Variants in DEPTOR observed in about 807,000 individuals in gnomAD.
The protein encoded by DEPTOR is DEP domain containing MTOR interacting protein.
DEPTOR carries 41 observed loss-of-function variants against 41.6 expected under a neutral mutation model. The observed-to-expected ratio is 0.98, with a 90% CI of 0.77 to 1.28. DEPTOR has a LOEUF of 1.28. Among genes scored for constraint, DEPTOR ranks in the 50% most tolerant of loss-of-function variants. DEPTOR has a pLI of 0.00. For missense variants in DEPTOR, 514 were observed against 527.9 expected (o/e 0.97, Z 0.26); for synonymous variants, 195 against 192.3 (o/e 1.01, Z -0.12).
chr8:120,015,850 A>T (rs1007891837), intron 8 of DEPTOR, among the ~76,000 whole-genome samples: 2 of 152,076 alleles, frequency 1.3e-5, no homozygotes, highest in African/African-American at 4.8e-5. Flanking sequence ...TAGCCCGAAA[A>T]AGCTTGCCCT....
chr8:119,934,025 G>A (rs112295815), intron 3 of DEPTOR, among the ~76,000 whole-genome samples: 27,694 of 152,086 alleles, frequency 0.18, 3,694 homozygotes, highest in African/African-American at 0.37. Flanking sequence ...GACTACAGGC[G>A]TGTGCCACCA....
chr8:120,026,170 T>C (rs1812793486), intron 8 of DEPTOR, among the ~76,000 whole-genome samples: 1 of 151,560 alleles, frequency 6.6e-6, no homozygotes, highest in Admixed American at 6.6e-5. Flanking sequence ...GTGTTTTTAA[T>C]ATAGACGGGG....
At chr8:119,936,938 T>C (rs565659232) in intron 3 of DEPTOR, among the ~76,000 whole-genome samples, 4 of 150,862 alleles carry the variant, frequency 2.7e-5, no homozygotes, top group African/African-American at 4.9e-5. Context: ...GTGGGAGAAT[T>C]GCTTGAACCT....
Position 120,050,911 on chromosome 8 carries a change from G to T in DEPTOR, c.*1207G>T, listed in dbSNP as rs1406484366. On this transcript the variant is annotated 3_prime_UTR_variant, in exon 9 of 9. Transcript: ENST00000286234. The stretch of plus-strand genomic sequence containing the variant: ...ATTAACAAAATAAAATATGAGAATT[G>T]TACCACAGCCATTTCTTTTCATTAG... The T allele has an allele frequency of 6.6e-6, 1 of 151,586 alleles. No individual in the cohort carries two copies. Among genetic ancestry groups the T allele is most frequent in the Non-Finnish European group, 1.5e-5 (1 of 67,964 alleles). 9.4% of individuals were successfully genotyped at this position (151,586 alleles called of 1,614,324 possible).
chr8:119,886,524 CAGAT>C (rs1456987191), intron 1 of DEPTOR, among the ~76,000 whole-genome samples: 1 of 151,802 alleles, frequency 6.6e-6, no homozygotes, highest in Non-Finnish European at 1.5e-5. Context: ...TACACACACA[CAGAT>C]ACATACATAC....
chr8:120,027,072 G>A (rs1040620187), intron 8 of DEPTOR, among the ~76,000 whole-genome samples: 1 of 151,630 alleles, frequency 6.6e-6, no homozygotes, highest in Non-Finnish European at 1.5e-5. Context: ...TAAAAAATTA[G>A]TGGGGTGTGG....
In DEPTOR at chr8:119,965,284, A is replaced by G; in HGVS notation, c.478A>G (p.Lys160Glu). Residue 160 changes from lysine (K) to glutamate (E), a missense_variant, in exon 4 of 9, where the codon AAG becomes GAG. Lys to Glu is a moderately conservative substitution (Grantham distance 56). Transcript: ENST00000286234. ...GCAGCCCAGGGAGGAGGAAGGGGTCAAGTATGAGCGCACCTTCATGGCATC... is the reference window on the plus strand; with the variant it reads ...GCAGCCCAGGGAGGAGGAAGGGGTCGAGTATGAGCGCACCTTCATGGCATC... ...LLQPREEEGV[K>E]YERTFMASEF... 6.2e-7 allele frequency: 1 copy of G among 1,614,134 alleles called. No homozygotes were observed. Among genetic ancestry groups the G allele is most frequent in the Non-Finnish European group, 8.5e-7 (1 of 1,180,018 alleles).
intron 8 of DEPTOR, among the ~76,000 whole-genome samples, chr8:120,018,922 A>T (rs553556961): frequency 4.9e-4 from 75 of 152,300 alleles, no homozygotes; most frequent in Non-Finnish European, 8.4e-4. Flanking sequence ...TTGTTCACTC[A>T]CTATTCACTG....
At chr8:119,905,172 T>C (rs761976120) in intron 1 of DEPTOR, among the ~76,000 whole-genome samples, 12 of 152,046 alleles carry the variant, frequency 7.9e-5, no homozygotes, top group East Asian at 1.9e-4. Flanking sequence ...TAGCCCTTGA[T>C]GGCAATATGA....
At chr8:119,954,945 G>A (rs774721189) in intron 3 of DEPTOR, among the ~76,000 whole-genome samples, 18 of 151,912 alleles carry the variant, frequency 1.2e-4, no homozygotes, top group Admixed American at 1.3e-4. Flanking sequence ...TGGAACCTCC[G>A]TCTCCTGGGT....
chr8:119,893,362 A>G (rs1827475029), intron 1 of DEPTOR, among the ~76,000 whole-genome samples: 1 of 152,260 alleles, frequency 6.6e-6, no homozygotes, highest in Admixed American at 6.5e-5. Flanking sequence ...ACTTGTCAGC[A>G]GTTCTGGAAG....
At chr8:119,904,865 C>T (rs1827641661) in intron 1 of DEPTOR, among the ~76,000 whole-genome samples, 1 of 151,684 alleles carries the variant, frequency 6.6e-6, no homozygotes, top group Non-Finnish European at 1.5e-5. Context: ...GATCATAGCT[C>T]ACTACAGCCT....
chr8:120,007,803 T>C (rs1812467723), intron 7 of DEPTOR, among the ~76,000 whole-genome samples: 1 of 152,118 alleles, frequency 6.6e-6, no homozygotes. Context: ...CCTTCGGAAG[T>C]GAAATTGAGT....
intron 4 of DEPTOR, among the ~76,000 whole-genome samples, chr8:119,983,945 T>C (rs1056265961): frequency 6.6e-6 from 1 of 152,228 alleles, no homozygotes; most frequent in African/African-American, 2.4e-5. Flanking sequence ...GATAAATTAC[T>C]GTGCAGTAAA....
At position 119,875,367 on chromosome 8, in the gene DEPTOR, A is replaced by G. The variant is rs1157603007; in HGVS notation, c.122+1399A>G. ...GGTGTAAGTTTGTGAGGTGCAGTCC[A>G]AGAAGGCGGGGGTGACTTCATAAAG... On this transcript the variant is annotated intron_variant, in intron 1 of 8. Coordinates refer to ENST00000286234, the MANE Select transcript of DEPTOR (RefSeq NM_022783.4). 2.0e-5 allele frequency among the ~76,000 whole-genome samples: 3 copies of G among 152,146 alleles called. 1 individual carries two copies. Among genetic ancestry groups the G allele is most frequent in the Non-Finnish European group, 4.4e-5 (3 of 68,026 alleles).
chr8:119,894,879 T>A (rs537481909), intron 1 of DEPTOR, among the ~76,000 whole-genome samples: 57 of 152,320 alleles, frequency 3.7e-4, no homozygotes, highest in African/African-American at 1.3e-3. Context: ...TCTCAAAGGT[T>A]ACATCTGAAA....
chr8:119,946,747 A>T (rs570662123), intron 3 of DEPTOR, among the ~76,000 whole-genome samples: 2 of 148,358 alleles, frequency 1.3e-5, no homozygotes, highest in Admixed American at 6.7e-5. Flanking sequence ...AAAATAAAAT[A>T]AAAAAAAAAG....
At chr8:119,956,708 T>C (rs1453617827) in intron 3 of DEPTOR, among the ~76,000 whole-genome samples, 1 of 150,918 alleles carries the variant, frequency 6.6e-6, no homozygotes, top group African/African-American at 2.4e-5. Context: ...TTTTTTTTTT[T>C]TAAGAGACAG....
At position 119,953,801 on chromosome 8, in the gene DEPTOR, C is replaced by CT. The variant is rs35043841; in HGVS notation, c.426-11413dup. On this transcript the variant is annotated intron_variant, in intron 3 of 8. Coordinates refer to ENST00000286234, the MANE Select transcript of DEPTOR (RefSeq NM_022783.4). ...TCAAACAAGATAGGTCAGATAGCTT[C>CT]TTTTTTTTTTTTTTTTTTCTTAAGA... 2.1e-3 allele frequency among the ~76,000 whole-genome samples: 248 copies of CT among 119,656 alleles called. 3 individuals are homozygous for CT. In the East Asian group the frequency reaches 0.031, roughly 15 times the overall value. The allele number at this position is 119,656 out of a possible 152,430, so 78.5% of individuals were successfully genotyped here.
Sources: gnomAD v4.1 joint callset for allele counts (sites outside exome capture counted in the v4.1 genomes callset) on GRCh38, gnomAD v4.1.1 for gene constraint, MANE v1.5 for transcripts, NCBI Gene and HGNC (gene_info 2026-07-23, HGNC 2026-07-21) for gene names.